Variants in GPC5 observed in about 807,000 individuals in gnomAD.
The protein encoded by GPC5 is glypican-5.
Under a neutral mutation model 53.9 loss-of-function variants are expected in GPC5, and 47 were observed. The ratio of observed to expected loss-of-function variants is 0.87; its 90% CI spans 0.69 to 1.11. GPC5 has a LOEUF of 1.11. GPC5 is among the 50% of genes most tolerant of loss of function. The pLI is 0.00. For synonymous variants in GPC5, 286 were observed against 263.3 expected, an observed-to-expected ratio of 1.09 and a Z score of -0.84; for missense variants, 748 against 713.1, an observed-to-expected ratio of 1.05 and a Z score of -0.56.
chr13:92,571,435 T>C (rs1883019515), intron 7 of GPC5, among the ~76,000 whole-genome samples: 1 of 152,180 alleles, frequency 6.6e-6, no homozygotes, highest in African/African-American at 2.4e-5. Context: ...CTGGTATCAG[T>C]GTGCTTCATG....
intron 6 of GPC5, among the ~76,000 whole-genome samples, chr13:91,972,087 T>A (rs1443073277): frequency 6.6e-6 from 1 of 152,178 alleles, no homozygotes; most frequent in African/African-American, 2.4e-5. Flanking sequence ...CCCATTATTA[T>A]TGTGTTGGAG....
At chr13:91,550,704 G>C (rs186186786) in intron 2 of GPC5, among the ~76,000 whole-genome samples, 1 of 151,992 alleles carries the variant, frequency 6.6e-6, no homozygotes, top group African/African-American at 2.4e-5. Context: ...ATAAGGTTTG[G>C]CTATGTCCTC....
At chr13:92,283,565 A>G (rs2042931992) in intron 7 of GPC5, among the ~76,000 whole-genome samples, 1 of 152,228 alleles carries the variant, frequency 6.6e-6, no homozygotes, top group Non-Finnish European at 1.5e-5. Context: ...GTGCAATCAG[A>G]CTAGAACTCA....
intron 4 of GPC5, among the ~76,000 whole-genome samples, chr13:91,740,712 C>A (rs342718): frequency 6.6e-6 from 1 of 151,978 alleles, no homozygotes. Context: ...TCACAATTTT[C>A]CCTTTTTGAG....
At chr13:92,313,952 C>T (rs570953572) in intron 7 of GPC5, among the ~76,000 whole-genome samples, 25 of 152,216 alleles carry the variant, frequency 1.6e-4, no homozygotes, top group East Asian at 1.2e-3. Flanking sequence ...TCACTCATCT[C>T]GCCTGTCTAG....
intron 6 of GPC5, among the ~76,000 whole-genome samples, chr13:91,913,743 T>C (rs1447755006): frequency 6.6e-6 from 1 of 152,198 alleles, no homozygotes; most frequent in East Asian, 1.9e-4. Flanking sequence ...TCAGCCATTG[T>C]GCAAATTCTC....
chr13:91,433,887 G>T (rs1304361500), intron 1 of GPC5, among the ~76,000 whole-genome samples: 6 of 151,802 alleles, frequency 4.0e-5, no homozygotes, highest in Admixed American at 3.3e-4. Context: ...TTTAAAGATC[G>T]CCAGTCTAAC....
chr13:92,285,448 A>G (rs1470058934), intron 7 of GPC5, among the ~76,000 whole-genome samples: 6 of 152,210 alleles, frequency 3.9e-5, no homozygotes. Flanking sequence ...TCCTAAGCCA[A>G]AAGAACAAAG....
At chr13:91,525,879 A>G (rs753622927) in intron 2 of GPC5, among the ~76,000 whole-genome samples, 1 of 152,246 alleles carries the variant, frequency 6.6e-6, no homozygotes, top group Non-Finnish European at 1.5e-5. Flanking sequence ...CAATTTTATT[A>G]CAAAAATGAT....
intron 2 of GPC5, among the ~76,000 whole-genome samples, chr13:91,459,461 A>G: frequency 8.4e-6 from 1 of 119,586 alleles, no homozygotes; most frequent in South Asian, 3.7e-4. Flanking sequence ...GGCCCTGGAC[A>G]TAGTAAGAAA....
chr13:92,567,398 G>T (rs1311065021), intron 7 of GPC5, among the ~76,000 whole-genome samples: 1 of 152,188 alleles, frequency 6.6e-6, no homozygotes, highest in African/African-American at 2.4e-5. Flanking sequence ...GTGGTGAACA[G>T]AATAATGCCT....
At chr13:92,078,495 A>T (rs2041270072) in intron 6 of GPC5, among the ~76,000 whole-genome samples, 1 of 152,220 alleles carries the variant, frequency 6.6e-6, no homozygotes, top group Non-Finnish European at 1.5e-5. Flanking sequence ...AATGCTTGAC[A>T]TAGAATAAAT....
chr13:91,672,761 TA>T (rs1301490791), intron 2 of GPC5, among the ~76,000 whole-genome samples: 14 of 152,360 alleles, frequency 9.2e-5, no homozygotes, highest in African/African-American at 3.1e-4. Context: ...TAAATCATTC[TA>T]CTATAAAGAC....
chr13:92,240,102 A>T (rs977557518), intron 7 of GPC5: 2 of 152,020 alleles, frequency 1.3e-5, no homozygotes, highest in Admixed American at 6.6e-5. Context: ...ACACAGCAAA[A>T]CTCCATGGTT....
rs148077676 is a variant in GPC5 at position 91,979,961 on chromosome 13, G to A, written c.1401+71904G>A. 7.2e-5 allele frequency among the ~76,000 whole-genome samples: 11 copies of A among 152,190 alleles called. No individual in the cohort carries two copies. In the East Asian group the frequency reaches 1.5e-3, roughly 21 times the overall value. Reference sequence around the variant, plus strand: ...TTTGCTACTTTCAAGAGACACCTCCGCCTTTTACTTTATCTTTCATGATGA... The same window carrying A: ...TTTGCTACTTTCAAGAGACACCTCCACCTTTTACTTTATCTTTCATGATGA... On this transcript the variant is annotated intron_variant, in intron 6 of 7. Coordinates refer to ENST00000377067, the MANE Select transcript of GPC5 (RefSeq NM_004466.6).
At chr13:92,732,771 C>T (rs1300343412) in intron 7 of GPC5, among the ~76,000 whole-genome samples, 1 of 151,664 alleles carries the variant, frequency 6.6e-6, no homozygotes, top group Non-Finnish European at 1.5e-5. Context: ...ATTTGATTTT[C>T]CCACCTGAAC....
At chr13:91,507,937 T>C (rs1885029078) in intron 2 of GPC5, among the ~76,000 whole-genome samples, 1 of 152,190 alleles carries the variant, frequency 6.6e-6, no homozygotes, top group African/African-American at 2.4e-5. Flanking sequence ...AAAAGTATTA[T>C]TTAAAATATT....
At chr13:92,521,563 T>C (rs1881049384) in intron 7 of GPC5, among the ~76,000 whole-genome samples, 1 of 152,224 alleles carries the variant, frequency 6.6e-6, no homozygotes, top group Admixed American at 6.5e-5. Flanking sequence ...CTGGGAAAAC[T>C]GGCTAGTCAT....
At chr13:91,766,735 C>T (rs1213974288) in intron 5 of GPC5, among the ~76,000 whole-genome samples, 2 of 152,074 alleles carry the variant, frequency 1.3e-5, no homozygotes, top group Non-Finnish European at 2.9e-5. Context: ...TGGCACATGC[C>T]TGTAATCTCA....
Sources: allele counts gnomAD v4.1 joint callset (sites outside exome capture counted in the v4.1 genomes callset), GRCh38; gene constraint gnomAD v4.1.1; transcripts MANE v1.5; gene names NCBI Gene and HGNC (gene_info 2026-07-23, HGNC 2026-07-21).